Variants in FHIT observed in about 807,000 individuals in gnomAD.
FHIT encodes bis(5'-adenosyl)-triphosphatase.
Under a neutral mutation model 17.9 loss-of-function variants are expected in FHIT, and 19 were observed. The observed-to-expected ratio is 1.06, with a 90% CI of 0.74 to 1.56. The LOEUF is 1.56. Ranked by LOEUF, FHIT falls within the 40% of genes most tolerant of loss-of-function variation. The pLI is 0.00. For synonymous variants in FHIT, 81 were observed against 69.7 expected (o/e 1.16, Z -0.81); for missense variants, 248 against 189.2 (o/e 1.31, Z -1.82).
chr3:61,248,858 G>A lies in FHIT; in HGVS notation c.-213+2443C>T, dbSNP rs2040546734. Among the ~76,000 whole-genome samples the A allele has an allele frequency of 3.3e-5, 5 of 152,196 alleles. No homozygotes were observed. The South Asian group carries it at 1.0e-3, about 32-fold the overall frequency. ...TGCAGAAACGGGATACTTTTGACATGAGGGCATGAGATGAAGATTGCAGAC... is the reference window on the plus strand; with the variant it reads ...TGCAGAAACGGGATACTTTTGACATAAGGGCATGAGATGAAGATTGCAGAC... On this transcript the variant is annotated intron_variant, in intron 1 of 9. Coordinates refer to ENST00000492590, the MANE Select transcript of FHIT (RefSeq NM_002012.4).
intron 2 of FHIT, among the ~76,000 whole-genome samples, chr3:61,085,954 C>T (rs1000805059): frequency 6.6e-6 from 1 of 151,970 alleles, no homozygotes; most frequent in African/African-American, 2.4e-5. Flanking sequence ...ATTCTTTGTT[C>T]TGGTACGTAG....
At chr3:60,727,487 T>C (rs2041940009) in intron 4 of FHIT, among the ~76,000 whole-genome samples, 1 of 152,204 alleles carries the variant, frequency 6.6e-6, no homozygotes, top group Non-Finnish European at 1.5e-5. Flanking sequence ...TCCACTGTGA[T>C]GCTGTGGTAG....
chr3:60,058,653 G>C (rs1702182876), intron 5 of FHIT, among the ~76,000 whole-genome samples: 1 of 152,104 alleles, frequency 6.6e-6, no homozygotes, highest in African/African-American at 2.4e-5. Flanking sequence ...TCTTAGAATT[G>C]ACTCCCACTA....
intron 4 of FHIT, among the ~76,000 whole-genome samples, chr3:60,724,971 C>T (rs191221045): frequency 2.0e-5 from 3 of 152,112 alleles, no homozygotes; most frequent in Middle Eastern, 3.4e-3. Flanking sequence ...TTGCTAATAA[C>T]CGTCTTAGTG....
chr3:60,430,593 T>A (rs1269174935), intron 5 of FHIT, among the ~76,000 whole-genome samples: 1 of 152,144 alleles, frequency 6.6e-6, no homozygotes, highest in Non-Finnish European at 1.5e-5. Flanking sequence ...TATTCTCTTA[T>A]ATCATTCTCT....
rs577261720 is a variant in FHIT at position 59,929,981 on chromosome 3, G to A, written c.280-7567C>T. Among the ~76,000 whole-genome samples, 5 of 152,092 alleles carry A rather than the reference G, an allele frequency of 3.3e-5. No homozygotes were observed. In the East Asian group the frequency reaches 7.7e-4, roughly 24 times the overall value. Reference sequence around the variant, plus strand: ...ACGAGTAAGGGAAGGAAACAAGAAAGGAAAGGAGGCCAATATAGGATGTGT... The same window carrying A: ...ACGAGTAAGGGAAGGAAACAAGAAAAGAAAGGAGGCCAATATAGGATGTGT... On this transcript the variant is annotated intron_variant, in intron 7 of 9. Coordinates refer to ENST00000492590, the MANE Select transcript of FHIT (RefSeq NM_002012.4).
chr3:60,536,093 G>C (rs768847791), intron 5 of FHIT: 1 of 152,080 alleles, frequency 6.6e-6, no homozygotes, highest in Non-Finnish European at 1.5e-5. Context: ...TGAAGAGTCC[G>C]TACAAAATTC....
intron 2 of FHIT, among the ~76,000 whole-genome samples, chr3:61,190,564 A>T (rs1032826074): frequency 6.6e-6 from 1 of 152,232 alleles, no homozygotes; most frequent in Non-Finnish European, 1.5e-5. Context: ...CATTTGACCC[A>T]GCCATCTCAT....
chr3:60,573,503 C>T (rs1461167695), intron 4 of FHIT, among the ~76,000 whole-genome samples: 2 of 152,122 alleles, frequency 1.3e-5, no homozygotes, highest in Non-Finnish European at 2.9e-5. Flanking sequence ...TCATCCCTTC[C>T]CAACAGCCTG....
chr3:60,279,555 T>C (rs1311303207), intron 5 of FHIT, among the ~76,000 whole-genome samples: 2 of 152,142 alleles, frequency 1.3e-5, no homozygotes, highest in Non-Finnish European at 2.9e-5. Context: ...CCTAAGTCAT[T>C]ATGTTATACC....
chr3:60,026,923 A>G (rs963164801), intron 5 of FHIT, among the ~76,000 whole-genome samples: 1 of 151,980 alleles, frequency 6.6e-6, no homozygotes, highest in Non-Finnish European at 1.5e-5. Context: ...ACATGGTGCA[A>G]TCCTGTCTCT....
chr3:60,177,948 T>G (rs757787863), intron 5 of FHIT, among the ~76,000 whole-genome samples: 1 of 152,194 alleles, frequency 6.6e-6, no homozygotes, highest in Non-Finnish European at 1.5e-5. Flanking sequence ...CACATAGGAT[T>G]ACAATCACAA....
At chr3:60,879,723 TA>T (rs1208069852) in intron 3 of FHIT, among the ~76,000 whole-genome samples, 12 of 151,280 alleles carry the variant, frequency 7.9e-5, no homozygotes, top group African/African-American at 2.7e-4. Context: ...ATAGATATTA[TA>T]AAAAATAATT....
chr3:60,041,567 T>C (rs756822653), intron 5 of FHIT, among the ~76,000 whole-genome samples: 23 of 152,160 alleles, frequency 1.5e-4, no homozygotes, highest in Admixed American at 5.9e-4. Context: ...CTGCAACATA[T>C]GGTCTTTATT....
At chr3:59,828,525 T>C (rs1432038476) in intron 8 of FHIT, among the ~76,000 whole-genome samples, 1 of 152,238 alleles carries the variant, frequency 6.6e-6, no homozygotes, top group Non-Finnish European at 1.5e-5. Flanking sequence ...GTATGGCTAT[T>C]TGAAGTTTGC....
rs924333609 is a variant in FHIT at position 60,608,548 on chromosome 3, A to G, written c.-17-71569T>C. ...AGGTCCAAAGACCCAGCTAATAACGAAAGTTGACTTAGCTTTTATTTAGCC... is the reference window on the plus strand; with the variant it reads ...AGGTCCAAAGACCCAGCTAATAACGGAAGTTGACTTAGCTTTTATTTAGCC... On this transcript the variant is annotated intron_variant, in intron 4 of 9. Transcript: ENST00000492590. Among the ~76,000 whole-genome samples the G allele has an allele frequency of 3.3e-5, 5 of 152,268 alleles. No homozygotes were observed. The East Asian group carries it at 5.8e-4, about 18-fold the overall frequency.
chr3:60,522,513 T>C (rs1334353801), intron 5 of FHIT, among the ~76,000 whole-genome samples: 1 of 152,144 alleles, frequency 6.6e-6, no homozygotes, highest in Non-Finnish European at 1.5e-5. Flanking sequence ...GGATGGATAG[T>C]GGTAGACTGG....
intron 8 of FHIT, among the ~76,000 whole-genome samples, chr3:59,757,807 G>A (rs1454229408): frequency 6.6e-6 from 1 of 152,108 alleles, no homozygotes; most frequent in Admixed American, 6.6e-5. Context: ...TGTTTACACA[G>A]GGGTTTATAT....
chr3:60,429,682 A>T (rs529353818), intron 5 of FHIT, among the ~76,000 whole-genome samples: 2 of 152,060 alleles, frequency 1.3e-5, no homozygotes, highest in African/African-American at 4.8e-5. Context: ...TGTGGTTGGG[A>T]TGAGGATGGA....
Sources: allele counts gnomAD v4.1 joint callset (sites outside exome capture counted in the v4.1 genomes callset), GRCh38; gene constraint gnomAD v4.1.1; transcripts MANE v1.5; gene names NCBI Gene and HGNC (gene_info 2026-07-23, HGNC 2026-07-21).